OR2L13: variants seen among roughly 807,000 people sequenced by gnomAD.
OR2L13 encodes the protein olfactory receptor 2L13.
Under a neutral mutation model 15.3 loss-of-function variants are expected in OR2L13, and 14 were observed. That is an observed-to-expected ratio of 0.91 (90% CI 0.60 to 1.43). The LOEUF is 1.43. OR2L13 is among the 40% of genes most tolerant of loss of function. The pLI is 0.00. For missense variants in OR2L13, 367 were observed against 387.9 expected (o/e 0.95, Z 0.45); for synonymous variants, 152 against 142.9 (o/e 1.06, Z -0.45).
At chr1:247,964,996 A>G in the OR2L13 span, among the ~76,000 whole-genome samples, 2 of 149,990 alleles carry the variant, frequency 1.3e-5, no homozygotes, top group African/African-American at 4.9e-5. Context: ...TAATTCATAT[A>G]TACTTAAGTG....
At chr1:247,938,651 C>A in the OR2L13 span, among the ~76,000 whole-genome samples, 3 of 152,122 alleles carry the variant, frequency 2.0e-5, no homozygotes, top group Non-Finnish European at 2.9e-5. Flanking sequence ...CATGCCCACA[C>A]ACACATGCAC....
the OR2L13 span, among the ~76,000 whole-genome samples, chr1:248,089,264 G>C: frequency 6.6e-6 from 1 of 152,146 alleles, no homozygotes; most frequent in African/African-American, 2.4e-5. Flanking sequence ...AGCTCCGGAA[G>C]GGTCCCAAGC....
chr1:248,060,893 A>C, the OR2L13 span: 31 of 1,613,804 alleles, frequency 1.9e-5, no homozygotes, highest in Admixed American at 4.8e-4. Flanking sequence ...ATTGACCTAA[A>C]TTACATCTCC....
At chr1:247,960,862 G>T in the OR2L13 span, among the ~76,000 whole-genome samples, 2 of 152,168 alleles carry the variant, frequency 1.3e-5, no homozygotes, top group South Asian at 4.1e-4. Context: ...CTAGGAAAGG[G>T]ATTTCCCTGA....
chr1:247,968,858 C>A, the OR2L13 span, among the ~76,000 whole-genome samples: 1 of 151,932 alleles, frequency 6.6e-6, no homozygotes, highest in East Asian at 1.9e-4. Context: ...GGGTATATAC[C>A]CAGTAATGGG....
the OR2L13 span, among the ~76,000 whole-genome samples, chr1:247,983,168 TTCA>T: frequency 2.0e-5 from 3 of 152,200 alleles, no homozygotes; most frequent in East Asian, 5.8e-4. Context: ...GAATCTCAAT[TTCA>T]TCATCTATAA....
the OR2L13 span, among the ~76,000 whole-genome samples, chr1:247,981,515 TTG>T: frequency 6.6e-6 from 1 of 152,200 alleles, no homozygotes; most frequent in Non-Finnish European, 1.5e-5. Flanking sequence ...AATTTTTATA[TTG>T]TGTTTATTTT....
chr1:247,949,977 T>C, the OR2L13 span, among the ~76,000 whole-genome samples: 38 of 152,182 alleles, frequency 2.5e-4, no homozygotes, highest in African/African-American at 8.9e-4. Context: ...AAACCTTTTT[T>C]CTTGATGGCC....
At chr1:248,065,162 A>C in the OR2L13 span, among the ~76,000 whole-genome samples, 3 of 152,168 alleles carry the variant, frequency 2.0e-5, no homozygotes, top group African/African-American at 7.2e-5. Flanking sequence ...CTCACTGTTC[A>C]TTGTGCCTCG....
At chr1:248,027,302 G>T in the OR2L13 span, among the ~76,000 whole-genome samples, 38 of 152,318 alleles carry the variant, frequency 2.5e-4, no homozygotes, top group East Asian at 7.1e-3. Context: ...CTCCTGAGAA[G>T]ATGTTATCAA....
the OR2L13 span, among the ~76,000 whole-genome samples, chr1:248,025,399 A>T: frequency 6.7e-6 from 1 of 149,074 alleles, no homozygotes; most frequent in Non-Finnish European, 1.5e-5. Flanking sequence ...CCACAATGAG[A>T]TACCATCTCA....
chr1:248,055,024 A>G, the OR2L13 span, among the ~76,000 whole-genome samples: 1 of 152,188 alleles, frequency 6.6e-6, no homozygotes, highest in Non-Finnish European at 1.5e-5. Context: ...GCTAATTTTC[A>G]AAGGGAATGC....
chr1:248,048,556 A>T, the OR2L13 span, among the ~76,000 whole-genome samples: 4 of 152,134 alleles, frequency 2.6e-5, no homozygotes, highest in Non-Finnish European at 4.4e-5. Context: ...TCAATGTGAA[A>T]TAATTCTTAC....
chr1:247,990,317 G>T, the OR2L13 span: 16 of 1,268,400 alleles, frequency 1.3e-5, no homozygotes, highest in Non-Finnish European at 1.8e-5. Context: ...TGGGATTGTC[G>T]CCACCACCAA....
chr1:248,059,773 G>A, the OR2L13 span, among the ~76,000 whole-genome samples: 2 of 152,126 alleles, frequency 1.3e-5, no homozygotes, highest in African/African-American at 2.4e-5. Context: ...GGTTGGGTGG[G>A]GAAGCTCATG....
At chr1:247,955,757 C>T in the OR2L13 span, among the ~76,000 whole-genome samples, 3 of 151,594 alleles carry the variant, frequency 2.0e-5, no homozygotes, top group East Asian at 1.9e-4. Context: ...GAGAAGTGTC[C>T]GTTCATATTC....
the OR2L13 span, among the ~76,000 whole-genome samples, chr1:248,017,828 G>T: frequency 0.011 from 1,652 of 152,260 alleles, 22 homozygotes; most frequent in African/African-American, 0.037. Flanking sequence ...TAAACACAAT[G>T]TCATACAAAC....
the OR2L13 span, among the ~76,000 whole-genome samples, chr1:248,051,742 A>G: frequency 6.6e-6 from 1 of 151,970 alleles, no homozygotes; most frequent in Admixed American, 6.5e-5. Context: ...AAAAATCCAA[A>G]AATGTCTGTT....
At chr1:247,985,527 G>A in the OR2L13 span, among the ~76,000 whole-genome samples, 1 of 152,134 alleles carries the variant, frequency 6.6e-6, no homozygotes, top group Non-Finnish European at 1.5e-5. Context: ...CATTTGGATT[G>A]GTTCCAAGTC....
Sources: gnomAD v4.1 joint callset for allele counts (sites outside exome capture counted in the v4.1 genomes callset) on GRCh38, gnomAD v4.1.1 for gene constraint, MANE v1.5 for transcripts, NCBI Gene and HGNC (gene_info 2026-07-23, HGNC 2026-07-21) for gene names.